LDAH: variants seen among roughly 807,000 people sequenced by gnomAD.
LDAH encodes the protein lipid droplet-associated hydrolase.
LDAH carries 26 observed loss-of-function variants against 29.6 expected under a neutral mutation model. The ratio of observed to expected loss-of-function variants is 0.88; its 90% CI spans 0.64 to 1.22. The LOEUF is 1.22. Among genes scored for constraint, LDAH ranks in the 50% most tolerant of loss-of-function variants. The pLI is 0.00. For missense variants in LDAH, 344 were observed against 387.3 expected (o/e 0.89, Z 0.94); for synonymous variants, 117 against 133.0 (o/e 0.88, Z 0.83).
intron 6 of LDAH, among the ~76,000 whole-genome samples, chr2:20,699,807 T>A (rs1464716754): frequency 6.6e-6 from 1 of 152,218 alleles, no homozygotes; most frequent in Non-Finnish European, 1.5e-5. Flanking sequence ...AGTCCTGACA[T>A]AATTACCATG....
intron 4 of LDAH, among the ~76,000 whole-genome samples, chr2:20,761,894 T>C (rs1386213996): frequency 6.6e-6 from 1 of 151,792 alleles, no homozygotes; most frequent in Non-Finnish European, 1.5e-5. Context: ...TGCATGACCA[T>C]TAAATGTCTA....
In LDAH at chr2:20,716,363, G is replaced by A. The variant is rs185945797; in HGVS notation, c.704-14711C>T. Among the ~76,000 whole-genome samples, 680 of 151,622 alleles carry A rather than the reference G, an allele frequency of 4.5e-3. 6 individuals are homozygous for A. Among genetic ancestry groups the A allele is most frequent in the Non-Finnish European group, 6.7e-3 (456 of 67,786 alleles). ...CAATGATAGACTAGATTAAGAAAAT[G>A]TGGCACATCTACACCATGGAATACT... On this transcript the variant is annotated intron_variant, in intron 5 of 6. Transcript: ENST00000237822.
intron 1 of LDAH, among the ~76,000 whole-genome samples, chr2:20,808,388 G>A (rs975196946): frequency 5.3e-5 from 8 of 152,174 alleles, no homozygotes; most frequent in Non-Finnish European, 7.3e-5. Context: ...AAGGCCGGGC[G>A]CGGTGGCTCA....
intron 4 of LDAH, among the ~76,000 whole-genome samples, chr2:20,764,363 C>A (rs139296847): frequency 6.6e-6 from 1 of 152,298 alleles, no homozygotes; most frequent in East Asian, 1.9e-4. Flanking sequence ...GTGTTTTTCA[C>A]GCAGCAGGAT....
At chr2:20,735,257 T>C (rs1666694899) in intron 5 of LDAH, among the ~76,000 whole-genome samples, 1 of 152,196 alleles carries the variant, frequency 6.6e-6, no homozygotes, top group Non-Finnish European at 1.5e-5. Flanking sequence ...TCACAAATGT[T>C]AGATCTTTCG....
At chr2:20,745,090 G>A (rs1477895219) in intron 4 of LDAH, among the ~76,000 whole-genome samples, 3 of 152,136 alleles carry the variant, frequency 2.0e-5, no homozygotes, top group Admixed American at 6.6e-5. Flanking sequence ...ATGTGGAACT[G>A]GAAACCAGAA....
At chr2:20,735,839 T>C (rs1385736091) in intron 5 of LDAH, among the ~76,000 whole-genome samples, 2 of 152,180 alleles carry the variant, frequency 1.3e-5, no homozygotes, top group Non-Finnish European at 2.9e-5. Flanking sequence ...ATTCTGACTC[T>C]GTACTAGGCT....
intron 5 of LDAH, among the ~76,000 whole-genome samples, chr2:20,719,966 C>A (rs1049504107): frequency 7.9e-5 from 12 of 152,082 alleles, no homozygotes; most frequent in African/African-American, 2.7e-4. Flanking sequence ...AAAAAACATA[C>A]CTCAATACCA....
intron 3 of LDAH, 42 bp from the exon 4 acceptor site, chr2:20,775,021 A>T (rs1669709438): frequency 6.7e-7 from 1 of 1,503,046 alleles, no homozygotes; most frequent in Non-Finnish European, 9.1e-7. Flanking sequence ...AAGTAAAAGT[A>T]ATCACTGAAA....
At chr2:20,802,717 C>A (rs757989598) in intron 1 of LDAH, among the ~76,000 whole-genome samples, 1 of 152,178 alleles carries the variant, frequency 6.6e-6, no homozygotes, top group African/African-American at 2.4e-5. Flanking sequence ...AGTGCCCCTA[C>A]GCTTTTCTGC....
intron 3 of LDAH, among the ~76,000 whole-genome samples, chr2:20,780,585 A>C (rs943615658): frequency 4.6e-5 from 7 of 152,160 alleles, no homozygotes; most frequent in Admixed American, 6.6e-5. Context: ...ATGAAGTAGG[A>C]AACTGAACTT....
chr2:20,761,480 G>A (rs185165653), intron 4 of LDAH, among the ~76,000 whole-genome samples: 84 of 152,230 alleles, frequency 5.5e-4, no homozygotes, highest in Admixed American at 1.8e-3. Context: ...ATATTCTATC[G>A]GAGCAATCAG....
chr2:20,688,554 G>A (rs1662739166), intron 6 of LDAH, among the ~76,000 whole-genome samples: 1 of 152,162 alleles, frequency 6.6e-6, no homozygotes, highest in Admixed American at 6.5e-5. Context: ...TCAAGTGCTG[G>A]GGGAGGAGAG....
At chr2:20,794,461 C>T (rs1671181374) in intron 2 of LDAH, among the ~76,000 whole-genome samples, 1 of 152,056 alleles carries the variant, frequency 6.6e-6, no homozygotes, top group Non-Finnish European at 1.5e-5. Flanking sequence ...AAACTACAGA[C>T]CACTATACCT....
chr2:20,700,068 C>A (rs1464344440), intron 6 of LDAH, among the ~76,000 whole-genome samples: 1 of 152,220 alleles, frequency 6.6e-6, no homozygotes, highest in Non-Finnish European at 1.5e-5. Flanking sequence ...GAGAGTTGAG[C>A]TGTTTTTATG....
At chr2:20,780,610 T>C (rs1670128313) in intron 3 of LDAH, among the ~76,000 whole-genome samples, 1 of 152,170 alleles carries the variant, frequency 6.6e-6, no homozygotes, top group Non-Finnish European at 1.5e-5. Context: ...CCAAGGAGTC[T>C]GGACTCGGTT....
At chr2:20,820,169 T>C (rs1265574837) in intron 1 of LDAH, among the ~76,000 whole-genome samples, 2 of 151,878 alleles carry the variant, frequency 1.3e-5, no homozygotes, top group African/African-American at 4.8e-5. Flanking sequence ...GAATCAATAT[T>C]GTGAAAATGG....
At chr2:20,732,476 C>A (rs1666476621) in intron 5 of LDAH, among the ~76,000 whole-genome samples, 1 of 152,098 alleles carries the variant, frequency 6.6e-6, no homozygotes, top group Non-Finnish European at 1.5e-5. Context: ...TTTCTTTAAA[C>A]ATTAGGTATA....
intron 5 of LDAH, among the ~76,000 whole-genome samples, chr2:20,728,851 T>C (rs570288610): frequency 1.3e-5 from 2 of 151,874 alleles, no homozygotes; most frequent in East Asian, 1.9e-4. Context: ...AAGTAGTAGT[T>C]ATTTGGCTAT....
Sources: allele counts gnomAD v4.1 joint callset (sites outside exome capture counted in the v4.1 genomes callset), GRCh38; gene constraint gnomAD v4.1.1; transcripts MANE v1.5; gene names NCBI Gene and HGNC (gene_info 2026-07-23, HGNC 2026-07-21).